Variants in KIF3C observed in about 807,000 individuals in gnomAD.
KIF3C encodes kinesin family member 3C.
KIF3C carries 12 observed loss-of-function variants against 67.7 expected under a neutral mutation model. That is an observed-to-expected ratio of 0.18 (90% CI 0.11 to 0.29). The LOEUF (loss-of-function observed/expected upper bound fraction) is 0.29, where lower values mean the gene tolerates loss of function less well. Among genes scored for constraint, KIF3C ranks in the 10% least tolerant of loss-of-function variants. The pLI is 1.00. For missense variants in KIF3C, 789 were observed against 1,059.6 expected (o/e 0.74, Z 3.55); for synonymous variants, 393 against 426.2 (o/e 0.92, Z 0.96).
chr2:25,961,565 G>GGGA (rs916911969), intron 1 of KIF3C, among the ~76,000 whole-genome samples: 4 of 152,180 alleles, frequency 2.6e-5, no homozygotes, highest in Non-Finnish European at 4.4e-5. Flanking sequence ...CCCTAAAAAG[G>GGGA]GGAGGAGGAG....
Position 25,980,109 on chromosome 2 carries a change from C to T in KIF3C, c.1545+264G>A, listed in dbSNP as rs1009512061. On this transcript the variant is annotated intron_variant, in intron 1 of 7. Transcript: ENST00000264712. This position sits in a 1 kb window ranked among gnomAD's most constrained non-coding sequence, Gnocchi z 7.6. Reference sequence around the variant, plus strand: ...GGCCACCAGCAGGAAATGCCCACAGCAGGTCAGACCACCCCAAGCTCACTG... The same window carrying T: ...GGCCACCAGCAGGAAATGCCCACAGTAGGTCAGACCACCCCAAGCTCACTG... 6.6e-6 allele frequency among the ~76,000 whole-genome samples: 1 copy of T among 152,224 alleles called. No homozygotes were observed. Among genetic ancestry groups the T allele is most frequent in the Non-Finnish European group, 1.5e-5 (1 of 68,038 alleles).
At chr2:25,948,784 G>A (rs959694024) in intron 5 of KIF3C, among the ~76,000 whole-genome samples, 2 of 151,900 alleles carry the variant, frequency 1.3e-5, no homozygotes, top group African/African-American at 4.8e-5. Context: ...TAATCATTAT[G>A]CAGAAAGCTC....
At position 25,945,191 on chromosome 2, in the gene KIF3C, A is replaced by ACATTCTTACAAATGC. The variant is rs1336079139; in HGVS notation, c.2006+6597_2006+6598insGCATTTGTAAGAATG. 2.0e-5 allele frequency among the ~76,000 whole-genome samples: 3 copies of ACATTCTTACAAATGC among 152,178 alleles called. No individual in the cohort carries two copies. The East Asian group carries it at 5.8e-4, about 29-fold the overall frequency. Reference sequence around the variant, plus strand: ...TTGGTATTCATTTAGAAGAGTTGCCAACACAAACTTACAAATGCAAAGTGG... The same window carrying ACATTCTTACAAATGC: ...TTGGTATTCATTTAGAAGAGTTGCCACATTCTTACAAATGCACACAAACTTACAAATGCAAAGTGG... On this transcript the variant is annotated intron_variant, in intron 5 of 7. Coordinates refer to ENST00000264712, the MANE Select transcript of KIF3C (RefSeq NM_002254.8).
At chr2:25,950,929 G>C (rs1663593093) in intron 5 of KIF3C, among the ~76,000 whole-genome samples, 1 of 150,150 alleles carries the variant, frequency 6.7e-6, no homozygotes, top group African/African-American at 2.4e-5. Context: ...AGAAAAGGAA[G>C]AAAGGAAAAA....
intron 1 of KIF3C, among the ~76,000 whole-genome samples, chr2:25,966,148 C>G (rs1012360005): frequency 2.6e-5 from 4 of 151,752 alleles, no homozygotes; most frequent in Admixed American, 2.0e-4. Flanking sequence ...TTTTGTCACC[C>G]AGGCTGGAGT....
chr2:25,954,489 G>A, intron 3 of KIF3C, 104 bp from the exon 4 acceptor site: 3 of 806,748 alleles, frequency 3.7e-6, no homozygotes, highest in Non-Finnish European at 6.1e-6. Flanking sequence ...TACCGACTCA[G>A]CCCAGGATGA....
chr2:25,952,421 A>G (rs1663640773), intron 4 of KIF3C, among the ~76,000 whole-genome samples: 1 of 152,222 alleles, frequency 6.6e-6, no homozygotes, highest in Admixed American at 6.5e-5. Context: ...TGCAGCTTGA[A>G]AAATCACTGC....
chr2:25,949,712 A>G (rs1015479042), intron 5 of KIF3C, among the ~76,000 whole-genome samples: 5 of 152,202 alleles, frequency 3.3e-5, no homozygotes, highest in African/African-American at 1.2e-4. Context: ...GCTCATGCCT[A>G]TAATTCCAGC....
chr2:25,929,177 A>C (rs2090436937), intron 7 of KIF3C, 106 bp from the exon 8 acceptor site: 1 of 1,390,802 alleles, frequency 7.2e-7, no homozygotes, highest in African/African-American at 1.4e-5. Flanking sequence ...AATCCTTCTG[A>C]CATCCCCAGT....
At chr2:25,968,592 A>T (rs150796350) in intron 1 of KIF3C, among the ~76,000 whole-genome samples, 34 of 152,306 alleles carry the variant, frequency 2.2e-4, no homozygotes, top group African/African-American at 7.9e-4. Flanking sequence ...TTCCAGTGTC[A>T]GAACTGGATG....
At chr2:25,957,418 T>G (rs1412450093) in intron 1 of KIF3C, among the ~76,000 whole-genome samples, 1 of 152,198 alleles carries the variant, frequency 6.6e-6, no homozygotes, top group East Asian at 1.9e-4. Flanking sequence ...GTCGGCAGCC[T>G]TTCAAAACCT....
Position 25,982,323 on chromosome 2 carries a change from C to A in KIF3C, c.-406G>T. On this transcript the variant is annotated 5_prime_UTR_variant, in exon 1 of 8. Transcript: ENST00000264712. ...GTCTTCTCCTCCTTCCTCTAGGGAT[C>A]CATAGCGTGGGCTGCCGGTCGTGGG... 1 of 399,510 alleles carries A rather than the reference C, an allele frequency of 2.5e-6. No individual in the cohort carries two copies. 24.7% of individuals were successfully genotyped at this position (399,510 alleles called of 1,614,324 possible).
At chr2:25,979,299 G>A (rs187655807) in intron 1 of KIF3C, among the ~76,000 whole-genome samples, 1 of 152,160 alleles carries the variant, frequency 6.6e-6, no homozygotes, top group Non-Finnish European at 1.5e-5. Flanking sequence ...AGCCTGGAAG[G>A]TCCCGGGGGT....
intron 1 of KIF3C, among the ~76,000 whole-genome samples, chr2:25,971,871 CTTTTTTTTTTTTTT>C (rs70950146): frequency 2.6e-4 from 14 of 53,810 alleles, no homozygotes; most frequent in Non-Finnish European, 3.0e-4. Flanking sequence ...CCATGCCTAG[CTTTTTTTTTTTTTT>C]TTTTTTTTTT....
At chr2:25,931,480 AAAAC>A (rs1175664660) in intron 5 of KIF3C, among the ~76,000 whole-genome samples, 1 of 152,082 alleles carries the variant, frequency 6.6e-6, no homozygotes, top group Non-Finnish European at 1.5e-5. Flanking sequence ...AACAAAAAAC[AAAAC>A]AAAAAAAGTA....
chr2:25,963,033 TAATATATAATATATA>T (rs1208936470), intron 1 of KIF3C, among the ~76,000 whole-genome samples: 664 of 65,474 alleles, frequency 0.01, 28 homozygotes, highest in Non-Finnish European at 0.012. Flanking sequence ...ATATAATATA[TAATATATAATATATA>T]AATATATAAA....
At chr2:25,929,527 C>T (rs1456408090) in intron 6 of KIF3C, 50 bp from the exon 7 acceptor site, 1 of 1,519,010 alleles carries the variant, frequency 6.6e-7, no homozygotes, top group South Asian at 1.1e-5. Context: ...GTCACTGTGC[C>T]TTCTAGGGAC....
chr2:25,954,029 G>T lies in KIF3C; in HGVS notation c.1889+238C>A, dbSNP rs970033969. On this transcript the variant is annotated intron_variant, in intron 4 of 7. Coordinates refer to ENST00000264712, the MANE Select transcript of KIF3C (RefSeq NM_002254.8). ...CTTATGCAAAGATGGTAGCCTCAGG[G>T]CCTTCGGAGTTACTTTTGGCCAGCA... 5 of 506,278 alleles carry T rather than the reference G, an allele frequency of 9.9e-6. No individual in the cohort carries two copies. The South Asian group carries it at 1.4e-4, about 14-fold the overall frequency. 31.4% of individuals were successfully genotyped at this position (506,278 alleles called of 1,614,324 possible).
intron 5 of KIF3C, among the ~76,000 whole-genome samples, chr2:25,932,573 C>T (rs1157925551): frequency 6.6e-6 from 1 of 151,622 alleles, no homozygotes. Context: ...TGGCTCATGC[C>T]TGTAATCCCA....
Sources: allele counts gnomAD v4.1 joint callset (sites outside exome capture counted in the v4.1 genomes callset), GRCh38; gene constraint gnomAD v4.1.1; non-coding constraint Gnocchi (gnomAD v3.1); transcripts MANE v1.5; gene names NCBI Gene and HGNC (gene_info 2026-07-23, HGNC 2026-07-21).